The following ELL2 variants were observed in gnomAD, a reference collection of about 807,000 sequenced individuals.
ELL2 encodes elongation factor for RNA polymerase II 2.
In ELL2, 21 loss-of-function variants were observed where a neutral mutation model predicts 72.8. The ratio of observed to expected loss-of-function variants is 0.29; its 90% confidence interval spans 0.20 to 0.42. The LOEUF (loss-of-function observed/expected upper bound fraction) is 0.42. Ranked by LOEUF, ELL2 falls within the 10% of genes least tolerant of loss-of-function variation. The pLI is 1.00. For synonymous variants in ELL2, 266 were observed against 283.2 expected, an observed-to-expected ratio of 0.94 and a Z score of 0.61; for missense variants, 568 against 772.8, an observed-to-expected ratio of 0.73 and a Z score of 3.14.
At chr5:95,913,426 T>A (rs1301878768) in intron 4 of ELL2, 1 of 167,446 alleles carries the variant, frequency 6.0e-6, no homozygotes, top group Admixed American at 6.4e-5. Context: ...ACAAGAACCA[T>A]AGTATCCATC....
Position 95,898,785 on chromosome 5 carries a change from A to G in ELL2, c.980T>C (p.Ile327Thr). Residue 327 changes from isoleucine to threonine, a missense_variant, in exon 8 of 12, where the codon ATT becomes ACT. Around this residue, in one of 2 missense-constraint regions of ELL2, gnomAD observed 511 missense variants for 728.4 expected, o/e 0.70. Coordinates refer to ENST00000237853, the MANE Select transcript of ELL2 (RefSeq NM_012081.6). ...PQKRLLDSEF[I>T]DPLMNKKARI... ...GGCTTTTTTATTCATTAAAGGATCA[A>G]TAAACTCTGAATCCAAAAGCCGTTT... is the stretch of plus-strand genomic sequence containing the variant. 6.6e-7 allele frequency: 1 copy of G among 1,514,152 alleles called. No individual in the cohort carries two copies. Among genetic ancestry groups the G allele is most frequent in the Non-Finnish European group, 8.8e-7 (1 of 1,132,238 alleles). 93.8% of individuals were successfully genotyped at this position (1,514,152 alleles called of 1,614,324 possible).
intron 1 of ELL2, among the ~76,000 whole-genome samples, chr5:95,950,948 A>ATATATT (rs1751372346): frequency 9.6e-6 from 1 of 104,468 alleles, no homozygotes; most frequent in East Asian, 6.6e-4. Context: ...ATATATATAT[A>ATATATT]TATATAAAAT....
intron 7 of ELL2, among the ~76,000 whole-genome samples, chr5:95,899,931 C>T (rs996631344): frequency 6.6e-6 from 1 of 152,074 alleles, no homozygotes; most frequent in Non-Finnish European, 1.5e-5. Flanking sequence ...GCTGTTTGCC[C>T]AGGGTATGCT....
chr5:95,913,893 T>C lies in ELL2; in HGVS notation c.359A>G (p.Asp120Gly), dbSNP rs1749692763. 1.2e-6 allele frequency: 2 copies of C among 1,612,824 alleles called. No homozygotes were observed. The highest frequency in any genetic ancestry group is 1.7e-6 in the Non-Finnish European group (2 of 1,179,516). Reference protein sequence around the residue: ...SQLNCLGFIQDKITVCATNDS... With the variant: ...SQLNCLGFIQGKITVCATNDS... Reference sequence around the variant, plus strand: ...GTTTGTTGCACACACTGTAATTTTATCTTGTATAAATCCCAGGCAATTGAG... The same window carrying C: ...GTTTGTTGCACACACTGTAATTTTACCTTGTATAAATCCCAGGCAATTGAG... The change falls in exon 4 of 12, where the codon GAT becomes GGT. Residue 120 changes from aspartate to glycine, a missense_variant. Asp to Gly is a moderately conservative substitution (Grantham distance 94). Coordinates refer to ENST00000237853, the MANE Select transcript of ELL2 (RefSeq NM_012081.6).
chr5:95,914,665 G>A (rs56394146), intron 3 of ELL2, among the ~76,000 whole-genome samples: 1,534 of 152,128 alleles, frequency 0.01, 12 homozygotes, highest in Middle Eastern at 0.031. Flanking sequence ...ACCAGCCTGG[G>A]CAACATGGAG....
intron 1 of ELL2, among the ~76,000 whole-genome samples, chr5:95,951,563 A>G (rs1751404066): frequency 6.6e-6 from 1 of 152,118 alleles, no homozygotes; most frequent in Non-Finnish European, 1.5e-5. Context: ...AAGTATAAGG[A>G]GAAGTGGTAA....
intron 9 of ELL2, among the ~76,000 whole-genome samples, chr5:95,894,405 C>A (rs1220376220): frequency 6.6e-6 from 1 of 152,172 alleles, no homozygotes. Context: ...AGAACAAGAG[C>A]ACTGCATTGG....
intron 2 of ELL2, among the ~76,000 whole-genome samples, chr5:95,923,570 G>C (rs910076951): frequency 3.3e-5 from 5 of 152,236 alleles, no homozygotes; most frequent in African/African-American, 1.2e-4. Flanking sequence ...GGAGCTTAGA[G>C]GTTAGGGAAC....
At chr5:95,899,409 A>T (rs7716001) in intron 7 of ELL2, among the ~76,000 whole-genome samples, 1,807 of 152,284 alleles carry the variant, frequency 0.012, 42 homozygotes, top group African/African-American at 0.042. Context: ...GCACTTTCAG[A>T]ATAGTTTCTC....
At chr5:95,953,601 TC>T (rs1751500344) in intron 1 of ELL2, among the ~76,000 whole-genome samples, 1 of 152,224 alleles carries the variant, frequency 6.6e-6, no homozygotes, top group Non-Finnish European at 1.5e-5. Context: ...CTAGGTTATC[TC>T]CCTGGATCAA....
chr5:95,950,934 A>G (rs1300339359), intron 1 of ELL2, among the ~76,000 whole-genome samples: 4 of 129,296 alleles, frequency 3.1e-5, no homozygotes, highest in African/African-American at 5.9e-5. Context: ...ATATATATAT[A>G]TATATATATA....
chr5:95,908,898 G>A (rs1749477920), intron 4 of ELL2, among the ~76,000 whole-genome samples: 1 of 152,116 alleles, frequency 6.6e-6, no homozygotes, highest in South Asian at 2.1e-4. Context: ...AAGGGGGATG[G>A]GCAGAGAATG....
Position 95,927,498 on chromosome 5 carries a change from CATACACACACGT to C in ELL2, c.196-7965_196-7954del. ...ACATACACACACGTGTGTATATAGA[CATACACACACGT>C]GTGTATATAGACATACACACACGTG... On this transcript the variant is annotated intron_variant, in intron 2 of 11. Coordinates refer to ENST00000237853, the MANE Select transcript of ELL2 (RefSeq NM_012081.6). 1.6e-4 allele frequency among the ~76,000 whole-genome samples: 5 copies of C among 30,370 alleles called. 1 individual carries two copies. Among genetic ancestry groups the C allele is most frequent in the Non-Finnish European group, 2.6e-4 (5 of 19,014 alleles). 19.9% of individuals were successfully genotyped at this position (30,370 alleles called of 152,430 possible).
At chr5:95,889,343 C>T (rs1748576136) in intron 10 of ELL2, among the ~76,000 whole-genome samples, 1 of 152,188 alleles carries the variant, frequency 6.6e-6, no homozygotes, top group African/African-American at 2.4e-5. Context: ...GACACACTTG[C>T]TCCCCAGTGA....
chr5:95,951,152 A>C (rs936563342), intron 1 of ELL2, among the ~76,000 whole-genome samples: 1 of 151,178 alleles, frequency 6.6e-6, no homozygotes, highest in African/African-American at 2.4e-5. Context: ...GGTGGATCAC[A>C]AGGTCAGGAT....
Position 95,887,376 on chromosome 5 carries a change from C to A in ELL2, c.*1495G>T, listed in dbSNP as rs1748500398. On this transcript the variant is annotated 3_prime_UTR_variant, in exon 12 of 12. Coordinates refer to ENST00000237853, the MANE Select transcript of ELL2 (RefSeq NM_012081.6). The stretch of plus-strand genomic sequence containing the variant: ...TTTTCTGGTTTACAGTGATACACAA[C>A]AAAGTTATTCATTTATTTTTCTGGA... The A allele has an allele frequency of 6.6e-6, 1 of 152,554 alleles. No homozygotes were observed. Among genetic ancestry groups the A allele is most frequent in the Non-Finnish European group, 1.5e-5 (1 of 68,016 alleles). The allele number at this position is 152,554 out of a possible 1,614,324, so 9.5% of individuals were successfully genotyped here.
In ELL2 at chr5:95,919,552, T is replaced by A; in HGVS notation, c.196-7A>T. 1 of 1,556,492 alleles carries A rather than the reference T, an allele frequency of 6.4e-7. No individual in the cohort carries two copies. The highest frequency in any genetic ancestry group is 1.2e-5 in the South Asian group (1 of 81,874). On this transcript the variant is annotated splice_polypyrimidine_tract_variant and splice_region_variant and intron_variant, in intron 2 of 11. Coordinates refer to ENST00000237853, the MANE Select transcript of ELL2 (RefSeq NM_012081.6). ...TTTTGGGAATTTTGACAAGCTAAAA[T>A]GAGGGGAAAAGAGAGAAACGCCTCA...
intron 1 of ELL2, among the ~76,000 whole-genome samples, chr5:95,945,443 A>T: frequency 6.6e-6 from 1 of 152,222 alleles, no homozygotes. Flanking sequence ...TCAGAACCCA[A>T]GACTCAATCT....
intron 2 of ELL2, among the ~76,000 whole-genome samples, chr5:95,933,882 T>A (rs1449490314): frequency 2.6e-5 from 4 of 152,102 alleles, no homozygotes; most frequent in Non-Finnish European, 5.9e-5. Context: ...TTCTTCAAGT[T>A]TTCTAAAGAA....
Sources: gnomAD v4.1 joint callset for allele counts (sites outside exome capture counted in the v4.1 genomes callset) on GRCh38, gnomAD v4.1.1 for gene constraint, gnomAD v4.1.1 regional missense constraint, MANE v1.5 for transcripts, NCBI Gene and HGNC (gene_info 2026-07-23, HGNC 2026-07-21) for gene names.